FUBP3: variants seen among roughly 807,000 people sequenced by gnomAD.
FUBP3 encodes the protein far upstream element binding protein 3.
In FUBP3, 28 loss-of-function variants were observed where a neutral mutation model predicts 85.6. The ratio of observed to expected loss-of-function variants is 0.33; its 90% CI spans 0.24 to 0.45. The LOEUF (loss-of-function observed/expected upper bound fraction) is 0.45. FUBP3 is among the 20% of genes least tolerant of loss of function. The probability of loss-of-function intolerance (pLI) is 1.00; values close to 1 mark genes in which losing one functional copy is unlikely to be tolerated. For missense variants in FUBP3, 583 were observed against 755.1 expected, an observed-to-expected ratio of 0.77 and a Z score of 2.67; for synonymous variants, 271 against 271.4, an observed-to-expected ratio of 1.00 and a Z score of 0.01.
intron 17 of FUBP3, 77 bp downstream of exon 17, chr9:130,634,815 T>G (rs1462306421): frequency 5.2e-6 from 6 of 1,144,010 alleles, no homozygotes; most frequent in Non-Finnish European, 7.7e-6. Context: ...AGGCTCACTG[T>G]CACCTCTTTT....
intron 8 of FUBP3, among the ~76,000 whole-genome samples, chr9:130,618,682 G>T (rs1203734520): frequency 6.6e-6 from 1 of 152,202 alleles, no homozygotes; most frequent in Non-Finnish European, 1.5e-5. Context: ...GAGTAGCTCC[G>T]GGGTGATGCT....
rs2119072412 is a variant in FUBP3, at chr9:130,612,594, T to C, written c.274+89T>C. The C allele has an allele frequency of 2.3e-6, 2 of 851,268 alleles. No homozygotes were observed. The highest frequency in any genetic ancestry group is 2.4e-5 in the East Asian group (1 of 41,184). 52.7% of individuals were successfully genotyped at this position (851,268 alleles called of 1,614,324 possible). A position where few individuals can be genotyped will look rare whatever the true frequency, so the allele number is the denominator to read the frequency against. On this transcript the variant is annotated intron_variant, in intron 4 of 18. Transcript: ENST00000319725. This position sits in a 1 kb window ranked among gnomAD's most constrained non-coding sequence, Gnocchi z 4.1. ...TGAGCTGCTTTGCCAGGATGTTCTTTTTGTTTTAATCTCTCTTGTGAGTAT... is the reference window on the plus strand; with the variant it reads ...TGAGCTGCTTTGCCAGGATGTTCTTCTTGTTTTAATCTCTCTTGTGAGTAT...
At chr9:130,629,054 C>T (rs1830106232) in intron 12 of FUBP3, among the ~76,000 whole-genome samples, 1 of 152,236 alleles carries the variant, frequency 6.6e-6, no homozygotes, top group African/African-American at 2.4e-5. Flanking sequence ...CAGGCGTGAG[C>T]CACCGCGCCT....
intron 16 of FUBP3, among the ~76,000 whole-genome samples, chr9:130,632,988 C>T (rs1393669007): frequency 1.3e-5 from 2 of 152,234 alleles, no homozygotes; most frequent in Admixed American, 6.5e-5. Context: ...AAGGCTTCTT[C>T]AGTGTCTGCA....
At chr9:130,615,925 GCTCT>G (rs1231696069) in intron 6 of FUBP3, among the ~76,000 whole-genome samples, 1 of 152,244 alleles carries the variant, frequency 6.6e-6, no homozygotes, top group Non-Finnish European at 1.5e-5. Flanking sequence ...CTCATTGCTG[GCTCT>G]CTCTCCTGCC....
At chr9:130,611,303 A>G (rs189117492) in intron 3 of FUBP3, among the ~76,000 whole-genome samples, 1 of 152,302 alleles carries the variant, frequency 6.6e-6, no homozygotes, top group African/African-American at 2.4e-5. Context: ...CCTGACAGGG[A>G]CCTGGCTTCT....
chr9:130,625,318 G>A (rs534482935), intron 11 of FUBP3, among the ~76,000 whole-genome samples: 37 of 152,226 alleles, frequency 2.4e-4, no homozygotes, highest in Non-Finnish European at 4.6e-4. Context: ...GCTCCTGTGC[G>A]TGTGTGAACA....
intron 3 of FUBP3, among the ~76,000 whole-genome samples, chr9:130,610,376 C>G (rs565428870): frequency 3.3e-5 from 5 of 152,214 alleles, no homozygotes; most frequent in African/African-American, 2.4e-5. Context: ...CAGACACTCA[C>G]AAGAGAATGC....
In FUBP3 at chr9:130,637,894, T is replaced by A. The variant is rs538597004; in HGVS notation, c.*872T>A. On this transcript the variant is annotated 3_prime_UTR_variant, in exon 19 of 19. Coordinates refer to ENST00000319725, the MANE Select transcript of FUBP3 (RefSeq NM_003934.2). Reference sequence around the variant, plus strand: ...CGTATAAAAATGTAGTTATAACTATTTTTAATTCCAAGGTGTTGTTTGCTT... The same window carrying A: ...CGTATAAAAATGTAGTTATAACTATATTTAATTCCAAGGTGTTGTTTGCTT... The A allele has an allele frequency of 5.2e-5, 8 of 152,664 alleles. No individual in the cohort carries two copies. The highest frequency in any genetic ancestry group is 7.3e-5 in the Non-Finnish European group (5 of 68,054). 9.5% of individuals were successfully genotyped at this position (152,664 alleles called of 1,614,324 possible). A position where few individuals can be genotyped will look rare whatever the true frequency, so the allele number is the denominator to read the frequency against.
At chr9:130,627,814 G>C (rs73549929) in intron 12 of FUBP3, among the ~76,000 whole-genome samples, 11 of 152,160 alleles carry the variant, frequency 7.2e-5, no homozygotes, top group Non-Finnish European at 1.5e-4. Flanking sequence ...TTTTGTCGGC[G>C]AAGTTTTCAT....
chr9:130,607,990 A>G (rs1285680519), intron 2 of FUBP3, among the ~76,000 whole-genome samples: 2 of 152,234 alleles, frequency 1.3e-5, no homozygotes, highest in Admixed American at 1.3e-4. Context: ...CACCTGTAAC[A>G]CATACTTTGC....
intron 11 of FUBP3, 50 bp downstream of exon 11, chr9:130,623,761 G>T (rs1315966914): frequency 7.9e-7 from 1 of 1,269,092 alleles, no homozygotes; most frequent in Non-Finnish European, 1.1e-6. Flanking sequence ...GAAGTGGAAA[G>T]TGCTACCCGG....
rs773544852 is a variant in FUBP3, at chr9:130,622,785, T to C, written c.849T>C (p.Ala283=). The change falls in exon 10 of 19, where the codon GCT becomes GCC. Residue 283 remains alanine (A), a synonymous_variant. Coordinates refer to ENST00000319725, the MANE Select transcript of FUBP3 (RefSeq NM_003934.2). ...GEMIKKIQND[A]GVRIQFKPDD... is the part of the protein sequence containing the mutation. ...TGATCAAAAAGATCCAGAATGATGCTGGTGTGAGGATTCAGTTTAAACCAG... is the reference window on the plus strand; with the variant it reads ...TGATCAAAAAGATCCAGAATGATGCCGGTGTGAGGATTCAGTTTAAACCAG... 1.3e-6 allele frequency: 2 copies of C among 1,582,196 alleles called. No homozygotes were observed. The highest frequency in any genetic ancestry group is 1.7e-6 in the Non-Finnish European group (2 of 1,154,342).
chr9:130,615,549 TAAC>T (rs112725685), intron 6 of FUBP3, among the ~76,000 whole-genome samples: 5,627 of 152,212 alleles, frequency 0.037, 352 homozygotes, highest in African/African-American at 0.13. Context: ...ATACGAGAAA[TAAC>T]AACCAGGAGA....
chr9:130,596,666 G>A (rs145903288), intron 2 of FUBP3: 198 of 453,316 alleles, frequency 4.4e-4, no homozygotes, highest in African/African-American at 3.7e-3. Context: ...CTCCTAGTAC[G>A]TTTTTAAATC....
In FUBP3 at chr9:130,589,699, A is replaced by T. The variant is rs1219985556; in HGVS notation, c.85-5784A>T. Among the ~76,000 whole-genome samples, 74 of 28,512 alleles carry T rather than the reference A, an allele frequency of 2.6e-3. 2 individuals are homozygous for T. Among genetic ancestry groups the T allele is most frequent in the African/African-American group, 8.8e-3 (43 of 4,864 alleles). 18.7% of individuals were successfully genotyped at this position (28,512 alleles called of 152,430 possible). On this transcript the variant is annotated intron_variant, in intron 1 of 18. Coordinates refer to ENST00000319725, the MANE Select transcript of FUBP3 (RefSeq NM_003934.2). ...TGTATATATATATATATATATATAT[A>T]TATATATTTTTTTTTTTTTTTTTTT...
intron 16 of FUBP3, among the ~76,000 whole-genome samples, chr9:130,633,898 C>T (rs893168471): frequency 3.3e-5 from 5 of 152,212 alleles, no homozygotes; most frequent in African/African-American, 1.2e-4. Flanking sequence ...CTGCTTCAGG[C>T]TACAATCCTT....
chr9:130,636,448 C>T (rs981835314), intron 18 of FUBP3, among the ~76,000 whole-genome samples: 1 of 152,238 alleles, frequency 6.6e-6, no homozygotes, highest in Non-Finnish European at 1.5e-5. Flanking sequence ...CCTCAGTTTC[C>T]CTAACCGTAA....
chr9:130,622,896 C>G lies in FUBP3; in HGVS notation c.874+86C>G, dbSNP rs7860771. 9.6e-3 allele frequency: 5,804 copies of G among 607,000 alleles called. 263 individuals carry two copies. In the African/African-American group the frequency reaches 0.1, roughly 10 times the overall value. The allele number at this position is 607,000 out of a possible 1,614,324, so 37.6% of individuals were successfully genotyped here. A position where few individuals can be genotyped will look rare whatever the true frequency, so the allele number is the denominator to read the frequency against. On this transcript the variant is annotated intron_variant, in intron 10 of 18. Transcript: ENST00000319725. ...AAGGATGATAAAACACCTTACAAAA[C>G]AAGGGCTTGGCTATTGGTTCATGTG... is the stretch of plus-strand genomic sequence containing the variant.
Sources: gnomAD v4.1 joint callset for allele counts (sites outside exome capture counted in the v4.1 genomes callset) on GRCh38, gnomAD v4.1.1 for gene constraint, Gnocchi (gnomAD v3.1) non-coding constraint, MANE v1.5 for transcripts, NCBI Gene and HGNC (gene_info 2026-07-23, HGNC 2026-07-21) for gene names.